APBB2: variants seen among roughly 807,000 people sequenced by gnomAD.
APBB2 encodes Fe65-like 1.
In APBB2, 38 loss-of-function variants were observed where a neutral mutation model predicts 82.5. That is an observed-to-expected ratio of 0.46 (90% CI 0.36 to 0.60). APBB2 has a LOEUF of 0.60. Ranked by LOEUF, APBB2 falls within the 20% of genes least tolerant of loss-of-function variation. The pLI, the probability that APBB2 is intolerant of heterozygous loss-of-function variation, is 0.00. For missense variants in APBB2, 772 were observed against 972.3 expected, an observed-to-expected ratio of 0.79 and a Z score of 2.74; for synonymous variants, 341 against 368.2, an observed-to-expected ratio of 0.93 and a Z score of 0.85.
chr4:41,151,307 ACTTT>A (rs1762214869), intron 1 of APBB2, among the ~76,000 whole-genome samples: 1 of 152,188 alleles, frequency 6.6e-6, no homozygotes, highest in Non-Finnish European at 1.5e-5. Context: ...GTTCAACAGA[ACTTT>A]CTTCAATTAT....
intron 12 of APBB2, among the ~76,000 whole-genome samples, chr4:40,839,691 G>T (rs1409478095): frequency 1.3e-5 from 2 of 151,188 alleles, no homozygotes; most frequent in Admixed American, 6.6e-5. Context: ...TTGAGGTGGA[G>T]TCTCGCTCTG....
intron 6 of APBB2, among the ~76,000 whole-genome samples, chr4:40,996,303 T>C (rs1347455080): frequency 6.6e-6 from 1 of 152,228 alleles, no homozygotes; most frequent in Non-Finnish European, 1.5e-5. Context: ...AGTATTTCAC[T>C]GTTTTTGTTT....
At chr4:41,052,725 T>C (rs1017458884) in intron 4 of APBB2, among the ~76,000 whole-genome samples, 2 of 152,152 alleles carry the variant, frequency 1.3e-5, no homozygotes, top group Non-Finnish European at 2.9e-5. Context: ...CTTGGGGTTA[T>C]ACAGTGTTTC....
intron 10 of APBB2, 81 bp from the exon 11 acceptor site, chr4:40,893,492 C>A (rs1299511188): frequency 3.7e-6 from 5 of 1,335,934 alleles, no homozygotes; most frequent in East Asian, 5.1e-5. Flanking sequence ...CCTCCCGCAA[C>A]TAAAAGGTAC....
In APBB2 at chr4:40,826,273, TATTTA is replaced by T. The variant is rs1383345957; in HGVS notation, c.1733-308_1733-304del. ...AGTAAAGTAGCAGCTTTTGGTGTCC[TATTTA>T]ATTAGGTGTGGTTGATGCCCAGAGA... On this transcript the variant is annotated intron_variant, in intron 14 of 17. Transcript: ENST00000508593. This position sits in a 1 kb window ranked among gnomAD's most constrained non-coding sequence, Gnocchi z 4.5. 12 of 320,170 alleles carry T rather than the reference TATTTA, an allele frequency of 3.7e-5. 1 individual carries two copies. Among genetic ancestry groups the T allele is most frequent in the Non-Finnish European group, 6.5e-5 (11 of 169,436 alleles). The allele number at this position is 320,170 out of a possible 1,614,324, so 19.8% of individuals were successfully genotyped here.
rs1163014697 is a variant in APBB2 at position 40,921,012 on chromosome 4, T to C, written c.1254+13444A>G. ...GCTCTGCCATTTAGCAGTGGAACAG[T>C]GATCAAGCCACCGAACCCTCTGTGC... On this transcript the variant is annotated intron_variant, in intron 10 of 17. Transcript: ENST00000508593. Among the ~76,000 whole-genome samples the C allele has an allele frequency of 1.7e-4, 26 of 152,168 alleles. 1 individual carries two copies. The highest frequency in any genetic ancestry group is 2.4e-5 in the African/African-American group (1 of 41,426).
At chr4:40,870,362 C>T (rs1362339039) in intron 12 of APBB2, among the ~76,000 whole-genome samples, 1 of 152,128 alleles carries the variant, frequency 6.6e-6, no homozygotes, top group Non-Finnish European at 1.5e-5. Context: ...AAGCCCTCTC[C>T]CATTTAATAT....
chr4:41,090,991 T>A (rs921158982), intron 3 of APBB2, among the ~76,000 whole-genome samples: 19 of 152,144 alleles, frequency 1.2e-4, no homozygotes, highest in African/African-American at 4.3e-4. Flanking sequence ...ACTGCAATAG[T>A]CTGTAAGTGT....
intron 12 of APBB2, among the ~76,000 whole-genome samples, chr4:40,868,061 C>T (rs1174806578): frequency 6.6e-6 from 1 of 150,460 alleles, no homozygotes; most frequent in East Asian, 1.9e-4. Flanking sequence ...TCTTGCTATG[C>T]TGCCCAGGCT....
chr4:40,985,297 T>C (rs1014694187), intron 6 of APBB2, among the ~76,000 whole-genome samples: 1 of 151,998 alleles, frequency 6.6e-6, no homozygotes, highest in Non-Finnish European at 1.5e-5. Context: ...AAAAATGCAG[T>C]TAATAAATTA....
Position 41,014,111 on chromosome 4 carries a change from C to T in APBB2, c.307G>A (p.Gly103Arg). ...GSANIKLVKNGENQLRKAAEQ... is the reference protein window; with the variant it reads ...GSANIKLVKNRENQLRKAAEQ... Reference sequence around the variant, plus strand: ...GCAGCCTTACGGAGCTGGTTCTCCCCATTTTTCACCAGCTTGATGTTGGCA... The same window carrying T: ...GCAGCCTTACGGAGCTGGTTCTCCCTATTTTTCACCAGCTTGATGTTGGCA... The change falls in exon 6 of 18, where the codon GGG becomes AGG. Residue 103 changes from glycine (G) to arginine (R), a missense_variant. Physicochemically the swap from Gly to Arg is moderately radical, Grantham distance 125 (BLOSUM62 -2). Coordinates refer to ENST00000508593, the MANE Select transcript of APBB2 (RefSeq NM_004307.2). The T allele has an allele frequency of 6.2e-7, 1 of 1,614,194 alleles. No homozygotes were observed.
chr4:41,204,870 C>A (rs527646577), intron 1 of APBB2, among the ~76,000 whole-genome samples: 1 of 152,276 alleles, frequency 6.6e-6, no homozygotes, highest in East Asian at 1.9e-4. Flanking sequence ...TCTCTAGTCA[C>A]CATTCAAAAC....
intron 12 of APBB2, among the ~76,000 whole-genome samples, chr4:40,859,686 G>A (rs1054717043): frequency 2.0e-5 from 3 of 152,220 alleles, no homozygotes; most frequent in Admixed American, 6.5e-5. Context: ...GCTTCCCACT[G>A]CAATGCAGAT....
chr4:41,013,551 GCCAGCT>G, intron 6 of APBB2, 26 bp downstream of exon 6: 1 of 1,543,346 alleles, frequency 6.5e-7, no homozygotes, highest in Non-Finnish European at 8.8e-7. Context: ...AAAAAAAAGT[GCCAGCT>G]GAGGCTACGC....
At chr4:40,868,952 T>G (rs1764721115) in intron 12 of APBB2, among the ~76,000 whole-genome samples, 1 of 152,208 alleles carries the variant, frequency 6.6e-6, no homozygotes, top group Non-Finnish European at 1.5e-5. Flanking sequence ...ATCACCATGC[T>G]TACGAACTAC....
At chr4:41,156,200 GAGA>G (rs765459630) in intron 1 of APBB2, among the ~76,000 whole-genome samples, 6 of 152,044 alleles carry the variant, frequency 3.9e-5, no homozygotes, top group African/African-American at 7.2e-5. Context: ...ATAGGAAAAG[GAGA>G]AGAACAGGAG....
At chr4:40,994,346 C>T (rs920082430) in intron 6 of APBB2, among the ~76,000 whole-genome samples, 12 of 151,184 alleles carry the variant, frequency 7.9e-5, no homozygotes, top group African/African-American at 2.4e-4. Context: ...GCCAAACTTA[C>T]TAGCTGCAAC....
intron 3 of APBB2, among the ~76,000 whole-genome samples, chr4:41,099,814 C>T (rs1420502572): frequency 2.0e-5 from 3 of 151,950 alleles, no homozygotes; most frequent in Non-Finnish European, 4.4e-5. Flanking sequence ...AGAACAATTC[C>T]TATTGTCGAT....
chr4:41,012,518 T>C lies in APBB2; in HGVS notation c.835+1065A>G, dbSNP rs568630157. Reference sequence around the variant, plus strand: ...CCTACTGCCACATTCCACAGTAGTATGCATCATTGAAAGTACTGGGATTTT... The same window carrying C: ...CCTACTGCCACATTCCACAGTAGTACGCATCATTGAAAGTACTGGGATTTT... On this transcript the variant is annotated intron_variant, in intron 6 of 17. Transcript: ENST00000508593. Among the ~76,000 whole-genome samples the C allele has an allele frequency of 4.6e-5, 7 of 152,306 alleles. No homozygotes were observed. The South Asian group carries it at 8.3e-4, about 18-fold the overall frequency.
Sources: gnomAD v4.1 joint callset for allele counts (sites outside exome capture counted in the v4.1 genomes callset) on GRCh38, gnomAD v4.1.1 for gene constraint, Gnocchi (gnomAD v3.1) non-coding constraint, MANE v1.5 for transcripts, NCBI Gene and HGNC (gene_info 2026-07-23, HGNC 2026-07-21) for gene names.